Variants in EMSY observed in about 807,000 individuals in gnomAD.
The protein encoded by EMSY is EMSY transcriptional repressor, BRCA2 interacting.
Under a neutral mutation model 134.6 loss-of-function variants are expected in EMSY, and 26 were observed. The observed-to-expected ratio is 0.19, with a 90% CI of 0.14 to 0.27. The LOEUF (loss-of-function observed/expected upper bound fraction) is 0.27, where lower values mean the gene tolerates loss of function less well. EMSY is among the 10% of genes least tolerant of loss of function. The pLI, the probability that EMSY is intolerant of heterozygous loss-of-function variation, is 1.00. For missense variants in EMSY, 1,305 were observed against 1,611.4 expected (o/e 0.81, Z 3.26); for synonymous variants, 579 against 577.8 (o/e 1.00, Z -0.03).
intron 8 of EMSY, among the ~76,000 whole-genome samples, chr11:76,478,083 G>A (rs1266180311): frequency 2.0e-5 from 3 of 152,028 alleles, no homozygotes; most frequent in Non-Finnish European, 4.4e-5. Context: ...ACTTTCTTTA[G>A]GCTGGCCCTG....
At chr11:76,532,856 C>T (rs1003953316) in intron 14 of EMSY, among the ~76,000 whole-genome samples, 31 of 152,066 alleles carry the variant, frequency 2.0e-4, no homozygotes, top group African/African-American at 6.5e-4. Flanking sequence ...GATCTCAGTA[C>T]GTCAAGGTGA....
intron 11 of EMSY, among the ~76,000 whole-genome samples, chr11:76,518,684 C>CATATATATATATATATATATATATAT (rs796392038): frequency 8.2e-6 from 1 of 121,646 alleles, no homozygotes; most frequent in Non-Finnish European, 1.7e-5. Flanking sequence ...TGTGTGCGCG[C>CATATATATATATATATATATATATAT]ATATATATAT....
rs369611693 is a variant in EMSY at position 76,544,828 on chromosome 11, G to A, written c.3273+6G>A. On this transcript the variant is annotated splice_donor_region_variant and intron_variant, in intron 19 of 20. Transcript: ENST00000334736. ...AGAAACAGACGGCAAGCCAGGTAAC[G>A]GAATATTGATAGCATGCAAAGTTAA... is the stretch of plus-strand genomic sequence containing the variant. The A allele has an allele frequency of 1.4e-5, 22 of 1,612,760 alleles. No homozygotes were observed. In the African/African-American group the frequency reaches 1.5e-4, roughly 11 times the overall value.
chr11:76,451,753 T>A (rs1328792879), intron 2 of EMSY, 105 bp from the exon 3 acceptor site: 2 of 527,054 alleles, frequency 3.8e-6, no homozygotes, highest in African/African-American at 4.0e-5. Context: ...AAACAATATT[T>A]TTATTTAATT....
chr11:76,448,112 G>A (rs1947497256), intron 2 of EMSY, among the ~76,000 whole-genome samples: 1 of 152,002 alleles, frequency 6.6e-6, no homozygotes, highest in South Asian at 2.1e-4. Context: ...TCATTAGTTT[G>A]TTACGTGTGT....
intron 8 of EMSY, among the ~76,000 whole-genome samples, chr11:76,489,831 CT>C (rs1012547722): frequency 2.0e-5 from 3 of 152,188 alleles, no homozygotes; most frequent in African/African-American, 7.2e-5. Flanking sequence ...TCTCAAACTT[CT>C]GACCTCTGGT....
chr11:76,490,606 A>T (rs1949379363), intron 8 of EMSY, among the ~76,000 whole-genome samples: 1 of 152,168 alleles, frequency 6.6e-6, no homozygotes. Context: ...GTTGTCATAC[A>T]CTTTAATTCT....
intron 18 of EMSY, among the ~76,000 whole-genome samples, chr11:76,542,803 C>T (rs1951496732): frequency 7.1e-6 from 1 of 140,322 alleles, no homozygotes; most frequent in South Asian, 2.3e-4. Context: ...AACATTATGA[C>T]TAAGGAGGAA....
intron 7 of EMSY, among the ~76,000 whole-genome samples, chr11:76,466,136 A>C (rs1314856704): frequency 2.0e-5 from 3 of 152,216 alleles, no homozygotes; most frequent in Non-Finnish European, 4.4e-5. Context: ...TGATGTCATT[A>C]GATTTCTTTG....
At chr11:76,517,602 G>A (rs1265891587) in intron 11 of EMSY, among the ~76,000 whole-genome samples, 1 of 152,102 alleles carries the variant, frequency 6.6e-6, no homozygotes, top group Admixed American at 6.5e-5. Flanking sequence ...TCTATTTTCA[G>A]ACCTAATGCA....
rs1455535674 is a variant in EMSY, at chr11:76,445,073, G to A, written c.-95G>A. ...GCACCGCAAACAAACCCAATTCCTG[G>A]TGTCCCCTAGTCTTGGCGGAGGAGC... is the stretch of plus-strand genomic sequence containing the variant. On this transcript the variant is annotated 5_prime_UTR_variant, in exon 1 of 21. In the 5' UTR this introduces an upstream ATG that the reference lacks. Transcript: ENST00000334736. 1 of 153,006 alleles carries A rather than the reference G, an allele frequency of 6.5e-6. No homozygotes were observed. The highest frequency in any genetic ancestry group is 1.5e-5 in the Non-Finnish European group (1 of 68,238). The allele number at this position is 153,006 out of a possible 1,614,324, so 9.5% of individuals were successfully genotyped here.
intron 7 of EMSY, among the ~76,000 whole-genome samples, chr11:76,464,913 G>T (rs1176442784): frequency 6.6e-6 from 1 of 152,160 alleles, no homozygotes; most frequent in Non-Finnish European, 1.5e-5. Context: ...TGAAGATGTT[G>T]TTGCTCTGTT....
At chr11:76,545,832 T>C (rs746367194) in exon 20 of EMSY, 1 of 1,613,482 alleles carries the variant, frequency 6.2e-7, no homozygotes, top group South Asian at 1.1e-5. Context: ...GATCCTCTGT[T>C]ACAAAGATAA....
At chr11:76,538,199 C>T (rs1274016765) in intron 16 of EMSY, among the ~76,000 whole-genome samples, 1 of 152,160 alleles carries the variant, frequency 6.6e-6, no homozygotes, top group Non-Finnish European at 1.5e-5. Flanking sequence ...GAATATACAG[C>T]AACAGTTGTA....
At chr11:76,550,200 G>A (rs1951797841) in exon 21 of EMSY, 7 of 1,415,596 alleles carry the variant, frequency 4.9e-6, no homozygotes, top group Non-Finnish European at 6.5e-6. Context: ...AGTGTCCAGG[G>A]AAACCCTTGT....
intron 8 of EMSY, among the ~76,000 whole-genome samples, chr11:76,490,215 C>A (rs1362195416): frequency 6.7e-6 from 1 of 150,338 alleles, no homozygotes; most frequent in South Asian, 2.1e-4. Flanking sequence ...TTTATTTCCT[C>A]GACTCGGTAG....
intron 10 of EMSY, among the ~76,000 whole-genome samples, chr11:76,515,874 G>A (rs1465693161): frequency 6.6e-6 from 1 of 152,156 alleles, no homozygotes; most frequent in African/African-American, 2.4e-5. Flanking sequence ...AGGGAACAGA[G>A]TTAACTCTAC....
At chr11:76,523,482 G>A (rs1435052796) in intron 12 of EMSY, among the ~76,000 whole-genome samples, 191 bp downstream of exon 13, 1 of 152,170 alleles carries the variant, frequency 6.6e-6, no homozygotes, top group Non-Finnish European at 1.5e-5. Flanking sequence ...AAAGCATGTT[G>A]CTCATACTTG....
At chr11:76,520,672 A>G (rs1332677915) in intron 11 of EMSY, among the ~76,000 whole-genome samples, 4 of 152,228 alleles carry the variant, frequency 2.6e-5, no homozygotes, top group Non-Finnish European at 5.9e-5. Flanking sequence ...AATGAGACAT[A>G]TAATGGCAAA....
Sources: allele counts gnomAD v4.1 joint callset (sites outside exome capture counted in the v4.1 genomes callset), GRCh38; gene constraint gnomAD v4.1.1; transcripts MANE v1.5; gene names NCBI Gene and HGNC (gene_info 2026-07-23, HGNC 2026-07-21).